The following ZMAT4 variants were observed in gnomAD, a reference collection of about 807,000 sequenced individuals.
ZMAT4 encodes zinc finger matrin-type 4.
ZMAT4 carries 17 observed loss-of-function variants against 28.7 expected under a neutral mutation model. That is an observed-to-expected ratio of 0.59 (90% CI 0.41 to 0.89). The LOEUF (loss-of-function observed/expected upper bound fraction) is 0.89, where lower values mean the gene tolerates loss of function less well. Ranked by LOEUF, ZMAT4 falls within the 40% of genes least tolerant of loss-of-function variation. The pLI is 0.00. For synonymous variants in ZMAT4, 117 were observed against 109.2 expected, an observed-to-expected ratio of 1.07 and a Z score of -0.44; for missense variants, 240 against 283.8, an observed-to-expected ratio of 0.85 and a Z score of 1.11.
intron 6 of ZMAT4, among the ~76,000 whole-genome samples, chr8:40,568,660 T>C (rs1387443441): frequency 6.6e-6 from 1 of 152,174 alleles, no homozygotes; most frequent in Non-Finnish European, 1.5e-5. Context: ...CTCACTATAG[T>C]CAGTTTGGGT....
Position 40,561,264 on chromosome 8 carries a change from G to A in ZMAT4, c.674+19901C>T, listed in dbSNP as rs564420050. Among the ~76,000 whole-genome samples, 40 of 151,654 alleles carry A rather than the reference G, an allele frequency of 2.6e-4. No individual in the cohort carries two copies. In the East Asian group the frequency reaches 7.6e-3, roughly 29 times the overall value. On this transcript the variant is annotated intron_variant, in intron 6 of 6. Coordinates refer to ENST00000297737, the MANE Select transcript of ZMAT4 (RefSeq NM_024645.3). ...GACAAGAAAACTCAGCACTTTTAATGCTGTGGTCTTTCATTTGACATTTAA... is the reference window on the plus strand; with the variant it reads ...GACAAGAAAACTCAGCACTTTTAATACTGTGGTCTTTCATTTGACATTTAA...
chr8:40,635,676 T>C (rs1806764845), intron 5 of ZMAT4, among the ~76,000 whole-genome samples: 1 of 152,188 alleles, frequency 6.6e-6, no homozygotes, highest in Non-Finnish European at 1.5e-5. Flanking sequence ...AGTCCGAGGT[T>C]TGAATTGCTG....
At chr8:40,695,768 A>ATT (rs756360990) in intron 4 of ZMAT4, among the ~76,000 whole-genome samples, 586 of 58,490 alleles carry the variant, frequency 0.01, 51 homozygotes, top group African/African-American at 0.032. Flanking sequence ...CCATGTGGCA[A>ATT]TTTTTTTTTT....
chr8:40,892,819 G>A (rs1818742286), intron 1 of ZMAT4, among the ~76,000 whole-genome samples: 3 of 152,204 alleles, frequency 2.0e-5, no homozygotes, highest in Admixed American at 2.0e-4. Flanking sequence ...GGCAGGGGAA[G>A]GGTCTCTAGG....
intron 1 of ZMAT4, among the ~76,000 whole-genome samples, chr8:40,844,540 G>T (rs548232623): frequency 6.6e-6 from 1 of 152,046 alleles, no homozygotes; most frequent in African/African-American, 2.4e-5. Flanking sequence ...CAGAATGCAG[G>T]CCTTCCCTTG....
intron 5 of ZMAT4, among the ~76,000 whole-genome samples, chr8:40,638,866 T>C (rs961295578): frequency 1.3e-5 from 2 of 152,232 alleles, no homozygotes; most frequent in Non-Finnish European, 2.9e-5. Flanking sequence ...ATGAAGAGAA[T>C]GCACATTATA....
chr8:40,866,481 C>T (rs893096773), intron 1 of ZMAT4, among the ~76,000 whole-genome samples: 1 of 152,220 alleles, frequency 6.6e-6, no homozygotes, highest in African/African-American at 2.4e-5. Context: ...AGCTTAATAA[C>T]GCTGCCCTGA....
intron 2 of ZMAT4, among the ~76,000 whole-genome samples, chr8:40,780,297 C>T (rs994119140): frequency 2.0e-5 from 3 of 152,194 alleles, no homozygotes; most frequent in African/African-American, 7.2e-5. Flanking sequence ...AAATCATCTA[C>T]CACAAAGCCT....
At chr8:40,872,708 C>T (rs1308041782) in intron 1 of ZMAT4, among the ~76,000 whole-genome samples, 1 of 151,856 alleles carries the variant, frequency 6.6e-6, no homozygotes, top group Non-Finnish European at 1.5e-5. Flanking sequence ...ATTCTGGGTG[C>T]TTAGAATTAT....
At chr8:40,872,697 C>T (rs1817905425) in intron 1 of ZMAT4, among the ~76,000 whole-genome samples, 1 of 152,124 alleles carries the variant, frequency 6.6e-6, no homozygotes, top group Non-Finnish European at 1.5e-5. Context: ...CTGTCTGCAA[C>T]ATTCTGGGTG....
chr8:40,728,933 T>TTA (rs2150524337), intron 3 of ZMAT4, among the ~76,000 whole-genome samples: 1 of 152,330 alleles, frequency 6.6e-6, no homozygotes, highest in South Asian at 2.1e-4. Context: ...ACGAATCGAA[T>TTA]TATACAGTAT....
intron 6 of ZMAT4, among the ~76,000 whole-genome samples, chr8:40,535,309 A>T (rs989612950): frequency 2.0e-5 from 3 of 152,094 alleles, no homozygotes; most frequent in African/African-American, 7.2e-5. Context: ...AAGGTCCAGG[A>T]TAGGGGGATT....
At chr8:40,577,331 A>C (rs1804300678) in intron 6 of ZMAT4, among the ~76,000 whole-genome samples, 1 of 152,352 alleles carries the variant, frequency 6.6e-6, no homozygotes, top group Middle Eastern at 3.4e-3. Context: ...AAAGACATAT[A>C]ATACTATTTA....
At chr8:40,865,181 C>T (rs146225540) in intron 1 of ZMAT4, among the ~76,000 whole-genome samples, 6 of 152,286 alleles carry the variant, frequency 3.9e-5, no homozygotes, top group African/African-American at 7.2e-5. Flanking sequence ...ACATTCTCAA[C>T]GGCTTGTAGC....
At chr8:40,868,105 T>A in intron 1 of ZMAT4, among the ~76,000 whole-genome samples, 1 of 152,218 alleles carries the variant, frequency 6.6e-6, no homozygotes, top group Non-Finnish European at 1.5e-5. Flanking sequence ...GATATATAAA[T>A]AACACATATC....
At chr8:40,741,979 C>T (rs532007397) in intron 3 of ZMAT4, among the ~76,000 whole-genome samples, 1 of 152,220 alleles carries the variant, frequency 6.6e-6, no homozygotes, top group Non-Finnish European at 1.5e-5. Flanking sequence ...TGGCTTACGC[C>T]TGTAATCCCA....
chr8:40,606,355 T>C (rs530390147), intron 5 of ZMAT4, among the ~76,000 whole-genome samples: 2 of 152,342 alleles, frequency 1.3e-5, no homozygotes, highest in South Asian at 2.1e-4. Flanking sequence ...TTTTAGCAGT[T>C]CTTGTAGAGC....
chr8:40,639,632 AC>A (rs1806933197), intron 5 of ZMAT4, among the ~76,000 whole-genome samples: 1 of 151,164 alleles, frequency 6.6e-6, no homozygotes, highest in African/African-American at 2.4e-5. Context: ...AAGAACACAC[AC>A]ACACACACAC....
In ZMAT4 at chr8:40,760,071, C is replaced by T. The variant is rs527492401; in HGVS notation, c.192+7570G>A. 7.2e-5 allele frequency among the ~76,000 whole-genome samples: 11 copies of T among 152,238 alleles called. No homozygotes were observed. In the South Asian group the frequency reaches 1.0e-3, roughly 14 times the overall value. ...ACTTTGTCCCACTCTTATGCTTGTGCGAGCACTGAGAGCTTATGCAAGAAT... is the reference window on the plus strand; with the variant it reads ...ACTTTGTCCCACTCTTATGCTTGTGTGAGCACTGAGAGCTTATGCAAGAAT... On this transcript the variant is annotated intron_variant, in intron 3 of 6. Coordinates refer to ENST00000297737, the MANE Select transcript of ZMAT4 (RefSeq NM_024645.3).
Sources: gnomAD v4.1 joint callset for allele counts (sites outside exome capture counted in the v4.1 genomes callset) on GRCh38, gnomAD v4.1.1 for gene constraint, MANE v1.5 for transcripts, NCBI Gene and HGNC (gene_info 2026-07-23, HGNC 2026-07-21) for gene names.